CAMSAP2: variants seen among roughly 807,000 people sequenced by gnomAD.
CAMSAP2 encodes calmodulin-regulated spectrin-associated protein 2.
In CAMSAP2, 26 loss-of-function variants were observed where a neutral mutation model predicts 146.1. The observed-to-expected ratio is 0.18, with a 90% CI of 0.13 to 0.25. The LOEUF is 0.25. CAMSAP2 is among the 10% of genes least tolerant of loss of function. CAMSAP2 has a pLI of 1.00. For synonymous variants in CAMSAP2, 499 were observed against 596.6 expected (o/e 0.84, Z 2.38); for missense variants, 1,381 against 1,759.3 (o/e 0.78, Z 3.85).
chr1:200,773,932 TA>T (rs1665192098), intron 2 of CAMSAP2, among the ~76,000 whole-genome samples: 1 of 149,886 alleles, frequency 6.7e-6, no homozygotes, highest in African/African-American at 2.5e-5. Context: ...TAAAATAAAA[TA>T]AAATAAAATA....
intron 11 of CAMSAP2, among the ~76,000 whole-genome samples, chr1:200,851,790 A>T (rs533482817): frequency 6.6e-6 from 1 of 152,294 alleles, no homozygotes; most frequent in South Asian, 2.1e-4. Context: ...TGTTTATTGA[A>T]TTAAGCATTG....
At chr1:200,812,973 G>A (rs1165776683) in intron 3 of CAMSAP2, among the ~76,000 whole-genome samples, 3 of 152,166 alleles carry the variant, frequency 2.0e-5, no homozygotes, top group African/African-American at 7.2e-5. Context: ...CCCATAGCCA[G>A]CTTGTTCTCT....
At chr1:200,782,290 C>G (rs1558174785) in intron 2 of CAMSAP2, among the ~76,000 whole-genome samples, 1 of 152,112 alleles carries the variant, frequency 6.6e-6, no homozygotes, top group African/African-American at 2.4e-5. Flanking sequence ...AAGGTCAGAA[C>G]TTACTTTTTA....
intron 7 of CAMSAP2, among the ~76,000 whole-genome samples, chr1:200,843,180 A>G (rs978333951): frequency 6.6e-6 from 1 of 152,034 alleles, no homozygotes; most frequent in Non-Finnish European, 1.5e-5. Context: ...TTGGCTCCAA[A>G]GTTTGTTATT....
intron 2 of CAMSAP2, among the ~76,000 whole-genome samples, chr1:200,806,558 A>G (rs751102290): frequency 1.8e-4 from 27 of 152,198 alleles, no homozygotes; most frequent in Admixed American, 1.2e-3. Flanking sequence ...AGTGGCCACA[A>G]CTAAGAATTA....
chr1:200,751,599 C>G (rs1404533981), intron 1 of CAMSAP2, among the ~76,000 whole-genome samples: 1 of 149,180 alleles, frequency 6.7e-6, no homozygotes, highest in African/African-American at 2.5e-5. Context: ...AAGGCAGGGA[C>G]CAGACTACCA....
intron 3 of CAMSAP2, among the ~76,000 whole-genome samples, chr1:200,809,221 C>G (rs1571778735): frequency 2.6e-5 from 4 of 152,306 alleles, no homozygotes; most frequent in Admixed American, 2.6e-4. Flanking sequence ...ATTATCTTCC[C>G]TTTATACTAG....
chr1:200,811,093 C>T (rs1666318498), intron 3 of CAMSAP2, among the ~76,000 whole-genome samples: 1 of 152,140 alleles, frequency 6.6e-6, no homozygotes, highest in African/African-American at 2.4e-5. Context: ...CAAATCCAAT[C>T]AATATTTTTC....
chr1:200,793,974 G>C (rs926411093), intron 2 of CAMSAP2, among the ~76,000 whole-genome samples: 3 of 152,200 alleles, frequency 2.0e-5, no homozygotes, highest in Non-Finnish European at 2.9e-5. Context: ...TGTGGATGTA[G>C]TAACAGCTCC....
In CAMSAP2 at chr1:200,847,336, G is replaced by T. The variant is rs552024203; in HGVS notation, c.1192+44G>T. 6 of 1,337,102 alleles carry T rather than the reference G, an allele frequency of 4.5e-6. No individual in the cohort carries two copies. In the East Asian group the frequency reaches 9.2e-5, roughly 20 times the overall value. The allele number at this position is 1,337,102 out of a possible 1,614,324, so 82.8% of individuals were successfully genotyped here. A position where few individuals can be genotyped will look rare whatever the true frequency, so the allele number is the denominator to read the frequency against. On this transcript the variant is annotated intron_variant, in intron 9 of 16. Coordinates refer to ENST00000358823, the MANE Select transcript of CAMSAP2 (RefSeq NM_203459.4). ...CCTAGGAAAATACTCTTTTAAGTAG[G>T]TTACCTGGGAAATGATTGACAGTAA... is the stretch of plus-strand genomic sequence containing the variant.
chr1:200,802,437 C>A, intron 2 of CAMSAP2, among the ~76,000 whole-genome samples: 1 of 151,996 alleles, frequency 6.6e-6, no homozygotes, highest in Non-Finnish European at 1.5e-5. Context: ...ATAAATGAAA[C>A]TTATGAAAAA....
chr1:200,817,792 AACTG>A (rs1320974534), intron 4 of CAMSAP2, among the ~76,000 whole-genome samples: 1 of 152,234 alleles, frequency 6.6e-6, no homozygotes, highest in Non-Finnish European at 1.5e-5. Context: ...CCATTTGGTT[AACTG>A]ACTGGCTCCT....
At chr1:200,745,275 G>T (rs1320283489) in intron 1 of CAMSAP2, among the ~76,000 whole-genome samples, 3 of 152,076 alleles carry the variant, frequency 2.0e-5, no homozygotes, top group Non-Finnish European at 4.4e-5. Context: ...TACCCCAGTT[G>T]TGACAACCCA....
chr1:200,779,430 A>G (rs1665373485), intron 2 of CAMSAP2, among the ~76,000 whole-genome samples: 1 of 152,172 alleles, frequency 6.6e-6, no homozygotes, highest in South Asian at 2.1e-4. Context: ...TGCAGAGATA[A>G]TACATTCAGT....
intron 3 of CAMSAP2, among the ~76,000 whole-genome samples, chr1:200,811,997 A>G (rs1385905566): frequency 6.6e-6 from 1 of 152,158 alleles, no homozygotes; most frequent in Non-Finnish European, 1.5e-5. Flanking sequence ...GCTCTCCGTC[A>G]GCTTGGATAG....
intron 2 of CAMSAP2, among the ~76,000 whole-genome samples, chr1:200,769,764 G>C (rs1665063173): frequency 6.6e-6 from 1 of 152,218 alleles, no homozygotes; most frequent in African/African-American, 2.4e-5. Flanking sequence ...GTGCTTAGCT[G>C]TCCAGAAGCT....
intron 4 of CAMSAP2, among the ~76,000 whole-genome samples, chr1:200,826,082 A>C (rs1444610417): frequency 1.3e-5 from 2 of 152,148 alleles, no homozygotes; most frequent in East Asian, 3.9e-4. Flanking sequence ...AGCTTGTACC[A>C]TTTTATATTC....
chr1:200,857,732 GTTTTT>G lies in CAMSAP2; in HGVS notation c.4132-21_4132-17del, dbSNP rs1558213973. On this transcript the variant is annotated splice_polypyrimidine_tract_variant and intron_variant, in intron 16 of 16. Transcript: ENST00000358823. The surrounding 1 kb of genome is among the most constrained non-coding windows in gnomAD (Gnocchi z 4.7). ...GGGTTTTTATTCGTGTTGTTATGTT[GTTTTT>G]GTTTTTTATTTTAAAGGAAATGGAG... The G allele has an allele frequency of 1.3e-6, 2 of 1,551,696 alleles. No homozygotes were observed. Among genetic ancestry groups the G allele is most frequent in the South Asian group, 2.5e-5 (2 of 80,318 alleles).
At chr1:200,814,125 A>AAAGGGGGG (rs1558188973) in intron 3 of CAMSAP2, among the ~76,000 whole-genome samples, 3 of 3,970 alleles carry the variant, frequency 7.6e-4, no homozygotes, top group Non-Finnish European at 1.4e-3. Context: ...AAAAAAAAAA[A>AAAGGGGGG]GGTGGCGGGG....
Sources: gnomAD v4.1 joint callset for allele counts (sites outside exome capture counted in the v4.1 genomes callset) on GRCh38, gnomAD v4.1.1 for gene constraint, Gnocchi (gnomAD v3.1) non-coding constraint, MANE v1.5 for transcripts, NCBI Gene and HGNC (gene_info 2026-07-23, HGNC 2026-07-21) for gene names.